TRIP12: variants seen among roughly 807,000 people sequenced by gnomAD.
TRIP12 encodes the protein E3 ubiquitin-protein ligase TRIP12.
Under a neutral mutation model 244.2 loss-of-function variants are expected in TRIP12, and 25 were observed. The ratio of observed to expected loss-of-function variants is 0.10; its 90% confidence interval spans 0.07 to 0.14. The LOEUF is 0.14. Ranked by LOEUF, TRIP12 falls within the 10% of genes least tolerant of loss-of-function variation. The pLI, the probability that TRIP12 is intolerant of heterozygous loss-of-function variation, is 1.00. For synonymous variants in TRIP12, 905 were observed against 873.1 expected, an observed-to-expected ratio of 1.04 and a Z score of -0.64; for missense variants, 1,677 against 2,486.4, an observed-to-expected ratio of 0.67 and a Z score of 6.92.
At chr2:229,791,786 A>G (rs965676100) in intron 29 of TRIP12, 80 bp downstream of exon 29, 1 of 1,470,984 alleles carries the variant, frequency 6.8e-7, no homozygotes. Flanking sequence ...AAAGCCAGCC[A>G]TTAAGTTAAT....
At chr2:229,790,134 TTATAAC>T (rs2041074741) in intron 30 of TRIP12, among the ~76,000 whole-genome samples, 1 of 152,150 alleles carries the variant, frequency 6.6e-6, no homozygotes, top group Non-Finnish European at 1.5e-5. Flanking sequence ...CATATCCAGT[TTATAAC>T]TAGATGAATA....
At chr2:229,893,956 GCCCA>G (rs2068043958) in intron 1 of TRIP12, among the ~76,000 whole-genome samples, 1 of 152,094 alleles carries the variant, frequency 6.6e-6, no homozygotes, top group South Asian at 2.1e-4. Flanking sequence ...CAAGCAATCC[GCCCA>G]CCTCAGCCTC....
intron 1 of TRIP12, among the ~76,000 whole-genome samples, chr2:229,915,918 C>T (rs2075294833): frequency 6.6e-6 from 1 of 152,208 alleles, no homozygotes; most frequent in Non-Finnish European, 1.5e-5. Flanking sequence ...TAGTCTCAAA[C>T]TCCTGGGCTC....
intron 4 of TRIP12, among the ~76,000 whole-genome samples, chr2:229,842,602 A>G (rs1280770996): frequency 2.0e-5 from 3 of 152,204 alleles, no homozygotes; most frequent in Non-Finnish European, 4.4e-5. Flanking sequence ...GTTTTTGCTT[A>G]TAACAAAGCA....
intron 6 of TRIP12, among the ~76,000 whole-genome samples, chr2:229,831,618 C>T (rs1163237531): frequency 6.6e-6 from 1 of 152,136 alleles, no homozygotes; most frequent in Non-Finnish European, 1.5e-5. Context: ...GCGGCAGGGC[C>T]AGACTCTGTC....
rs1197216644 is a variant in TRIP12 at position 229,765,586 on chromosome 2, A to C, written c.*1968T>G. ...ATTTGCCAGGGCTGCAACATGGATAAAATGTCAAGTACAGATGAAACATTA... is the reference window on the plus strand; with the variant it reads ...ATTTGCCAGGGCTGCAACATGGATACAATGTCAAGTACAGATGAAACATTA... On this transcript the variant is annotated 3_prime_UTR_variant, in exon 42 of 42. Transcript: ENST00000675903. 2.0e-5 allele frequency: 3 copies of C among 152,240 alleles called. No homozygotes were observed. The highest frequency in any genetic ancestry group is 4.4e-5 in the Non-Finnish European group (3 of 68,042). 9.4% of individuals were successfully genotyped at this position (152,240 alleles called of 1,614,324 possible). A position where few individuals can be genotyped will look rare whatever the true frequency, so the allele number is the denominator to read the frequency against.
At chr2:229,851,374 C>T (rs1203050309) in intron 4 of TRIP12, among the ~76,000 whole-genome samples, 1 of 152,108 alleles carries the variant, frequency 6.6e-6, no homozygotes, top group African/African-American at 2.4e-5. Context: ...CACTCTGTAT[C>T]TAGCTAATCT....
At chr2:229,845,627 G>T (rs1286871622) in intron 4 of TRIP12, among the ~76,000 whole-genome samples, 1 of 152,072 alleles carries the variant, frequency 6.6e-6, no homozygotes, top group Non-Finnish European at 1.5e-5. Context: ...TATTTTAAAA[G>T]AATACAGTAT....
intron 5 of TRIP12, 52 bp downstream of exon 5, chr2:229,840,770 T>C (rs957668686): frequency 2.1e-5 from 26 of 1,225,456 alleles, no homozygotes; most frequent in Non-Finnish European, 2.5e-5. Flanking sequence ...AAAGTTGAAA[T>C]TGAGCAACAG....
chr2:229,903,134 G>A (rs2071563041), intron 1 of TRIP12, among the ~76,000 whole-genome samples: 2 of 150,324 alleles, frequency 1.3e-5, no homozygotes, highest in Non-Finnish European at 2.9e-5. Context: ...ACAACAATAG[G>A]AACACAACAG....
intron 1 of TRIP12, among the ~76,000 whole-genome samples, chr2:229,890,370 G>A (rs1190031505): frequency 1.3e-5 from 2 of 152,112 alleles, no homozygotes; most frequent in Admixed American, 1.3e-4. Context: ...AAGGTGCTGG[G>A]ATTACAGGTG....
intron 27 of TRIP12, 82 bp downstream of exon 27, chr2:229,792,891 G>C (rs2154260743): frequency 7.3e-7 from 1 of 1,378,798 alleles, no homozygotes; most frequent in East Asian, 2.4e-5. Context: ...ACATTAAACA[G>C]AGAAATAATG....
At chr2:229,825,119 T>A (rs1388820861) in intron 8 of TRIP12, among the ~76,000 whole-genome samples, 1 of 152,204 alleles carries the variant, frequency 6.6e-6, no homozygotes, top group African/African-American at 2.4e-5. Flanking sequence ...TTAACTTTTT[T>A]AATAATAATA....
intron 4 of TRIP12, among the ~76,000 whole-genome samples, chr2:229,852,939 T>C (rs1394127565): frequency 6.6e-6 from 1 of 152,218 alleles, no homozygotes; most frequent in East Asian, 1.9e-4. Context: ...AATTATTGGG[T>C]TAAGAAGTTA....
chr2:229,837,620 A>G (rs1182299001), intron 5 of TRIP12, among the ~76,000 whole-genome samples: 5 of 152,138 alleles, frequency 3.3e-5, no homozygotes, highest in Non-Finnish European at 7.4e-5. Context: ...GGCGGCAGCA[A>G]CAACAAAAAA....
At chr2:229,787,229 A>G (rs2040325409) in intron 33 of TRIP12, among the ~76,000 whole-genome samples, 1 of 152,226 alleles carries the variant, frequency 6.6e-6, no homozygotes. Context: ...GAGAGAAGAC[A>G]AGATTCTTTC....
At chr2:229,906,389 A>G (rs1272620314) in intron 1 of TRIP12, among the ~76,000 whole-genome samples, 1 of 146,528 alleles carries the variant, frequency 6.8e-6, no homozygotes, top group Non-Finnish European at 1.5e-5. Context: ...TCTATTTCTG[A>G]AAAAAAAAAA....
chr2:229,815,170 T>C lies in TRIP12; in HGVS notation c.1660A>G (p.Thr554Ala), dbSNP rs1404495523. Reference protein sequence around the residue: ...DIMNHACRALTYMMEALPRSS... With the variant: ...DIMNHACRALAYMMEALPRSS... ...CGAGGAAGTGCTTCCATCATGTATG[T>C]TAAGGCTCGACAAGCATGGTTCATC... The change falls in exon 11 of 42, where the codon ACA becomes GCA. Residue 554 changes from threonine to alanine, a missense_variant. By Grantham distance (58) the Thr-to-Ala change is moderately conservative. This residue lies in a region of TRIP12 where 572 missense variants were observed against 867.8 expected (regional missense o/e 0.66). Transcript: ENST00000675903. 6.2e-7 allele frequency: 1 copy of C among 1,613,262 alleles called. No individual in the cohort carries two copies. The highest frequency in any genetic ancestry group is 1.1e-5 in the South Asian group (1 of 90,974).
chr2:229,803,512 A>C, intron 20 of TRIP12, 59 bp downstream of exon 20: 1 of 1,157,322 alleles, frequency 8.6e-7, no homozygotes, highest in Non-Finnish European at 1.2e-6. Flanking sequence ...ACAGATTAAA[A>C]CTTTATTTCT....
Sources: allele counts gnomAD v4.1 joint callset (sites outside exome capture counted in the v4.1 genomes callset), GRCh38; gene constraint gnomAD v4.1.1; regional missense constraint gnomAD v4.1.1; transcripts MANE v1.5; gene names NCBI Gene and HGNC (gene_info 2026-07-23, HGNC 2026-07-21).